Variants in CEP128 observed in about 807,000 individuals in gnomAD.
CEP128 encodes the protein centrosomal protein 128, also known as centrosomal protein 128kDa.
A neutral mutation model predicts 156.7 loss-of-function variants in CEP128; 132 were observed. The observed-to-expected ratio is 0.84, with a 90% CI of 0.73 to 0.97. CEP128 has a LOEUF of 0.97. Ranked by LOEUF, CEP128 falls within the 50% of genes least tolerant of loss-of-function variation. The probability of loss-of-function intolerance (pLI) is 0.00; values close to 1 mark genes in which losing one functional copy is unlikely to be tolerated. For synonymous variants in CEP128, 469 were observed against 448.9 expected (o/e 1.04, Z -0.57); for missense variants, 1,252 against 1,281.9 (o/e 0.98, Z 0.36).
chr14:80,707,360 C>T (rs1284400782), intron 19 of CEP128, among the ~76,000 whole-genome samples: 4 of 152,078 alleles, frequency 2.6e-5, no homozygotes, highest in Non-Finnish European at 5.9e-5. Context: ...CCCACTGGCC[C>T]GTGCTAGAGC....
intron 19 of CEP128, among the ~76,000 whole-genome samples, chr14:80,607,048 C>T (rs1360199564): frequency 2.6e-5 from 4 of 151,198 alleles, no homozygotes; most frequent in African/African-American, 9.7e-5. Flanking sequence ...CACACATATA[C>T]ATATATGTAC....
chr14:80,732,427 A>G (rs8006040), intron 19 of CEP128, among the ~76,000 whole-genome samples: 4,377 of 149,830 alleles, frequency 0.029, 85 homozygotes, highest in Non-Finnish European at 0.044. Flanking sequence ...CATGGGATCA[A>G]AGCTGTGTTA....
intron 7 of CEP128, among the ~76,000 whole-genome samples, chr14:80,898,183 G>A (rs1889436985): frequency 1.3e-5 from 2 of 152,124 alleles, no homozygotes; most frequent in South Asian, 4.1e-4. Context: ...ATTATTCAAT[G>A]TATGTTTTGT....
chr14:80,922,346 A>T (rs367852501), intron 2 of CEP128, among the ~76,000 whole-genome samples: 123 of 152,332 alleles, frequency 8.1e-4, no homozygotes, highest in African/African-American at 2.9e-3. Context: ...ACTATTTCAT[A>T]CTGAAGAGCA....
At chr14:80,702,972 TTATGTATG>T (rs567968548) in intron 19 of CEP128, among the ~76,000 whole-genome samples, 1 of 152,094 alleles carries the variant, frequency 6.6e-6, no homozygotes, top group Non-Finnish European at 1.5e-5. Context: ...TATAAAAAGA[TTATGTATG>T]TATGTATGTA....
chr14:80,945,186 A>G (rs887859600), upstream of CEP128, among the ~76,000 whole-genome samples: 7 of 152,160 alleles, frequency 4.6e-5, no homozygotes, highest in Non-Finnish European at 1.0e-4. Flanking sequence ...GCAGAGATCC[A>G]TCTTTTCTCT....
chr14:80,551,621 G>T (rs1030381517), intron 21 of CEP128, among the ~76,000 whole-genome samples: 1 of 152,190 alleles, frequency 6.6e-6, no homozygotes, highest in East Asian at 1.9e-4. Context: ...CTCTGCTAGA[G>T]TTTGTCACCT....
At chr14:80,677,684 T>C (rs1896120544) in intron 19 of CEP128, among the ~76,000 whole-genome samples, 1 of 151,822 alleles carries the variant, frequency 6.6e-6, no homozygotes, top group Non-Finnish European at 1.5e-5. Context: ...CTAGAGTTGG[T>C]GAAATGTATA....
chr14:80,576,502 T>C (rs778404551), intron 20 of CEP128, among the ~76,000 whole-genome samples: 6 of 152,186 alleles, frequency 3.9e-5, no homozygotes, highest in Non-Finnish European at 8.8e-5. Context: ...CTGTCAAATA[T>C]GTTTGTCTCC....
chr14:80,792,796 A>T lies in CEP128; in HGVS notation c.1524T>A (p.Ser508=). Reference sequence around the variant, plus strand: ...TGCCTGTCAGTTCATCAACAGTTTCAGATTGTTTCTCCAACGCTCGTTCTA... The same window carrying T: ...TGCCTGTCAGTTCATCAACAGTTTCTGATTGTTTCTCCAACGCTCGTTCTA... ...KKLERALEKQ[S]ETVDELTGKN... Residue 508 remains serine (S), a synonymous_variant, in exon 14 of 25, where the codon TCT becomes TCA. Coordinates refer to ENST00000555265, the MANE Select transcript of CEP128 (RefSeq NM_152446.5). 1 of 1,614,148 alleles carries T rather than the reference A, an allele frequency of 6.2e-7. No individual in the cohort carries two copies. The highest frequency in any genetic ancestry group is 8.5e-7 in the Non-Finnish European group (1 of 1,180,012).
chr14:80,733,571 C>A (rs920658681), intron 19 of CEP128, among the ~76,000 whole-genome samples: 4 of 151,834 alleles, frequency 2.6e-5, no homozygotes, highest in African/African-American at 9.7e-5. Flanking sequence ...TTTTTCAAAT[C>A]ATAAATATAA....
At chr14:80,747,842 A>G (rs1030845225) in intron 18 of CEP128, among the ~76,000 whole-genome samples, 1 of 152,164 alleles carries the variant, frequency 6.6e-6, no homozygotes, top group African/African-American at 2.4e-5. Flanking sequence ...AGGGACAGAA[A>G]GATTAGTGGC....
intron 19 of CEP128, among the ~76,000 whole-genome samples, chr14:80,616,994 G>C (rs968236518): frequency 3.3e-5 from 5 of 152,036 alleles, no homozygotes; most frequent in Non-Finnish European, 7.4e-5. Context: ...ACATCATATG[G>C]TCCCAGTGGA....
At chr14:80,657,417 C>CAAG (rs1234925686) in intron 19 of CEP128, among the ~76,000 whole-genome samples, 1 of 151,934 alleles carries the variant, frequency 6.6e-6, no homozygotes, top group Non-Finnish European at 1.5e-5. Context: ...TTTGGGAGGC[C>CAAG]AAGGTGGGCA....
chr14:80,759,907 GGTGTGT>G lies in CEP128; in HGVS notation c.2553+1524_2553+1529del, dbSNP rs3037144. Among the ~76,000 whole-genome samples, 323 of 150,340 alleles carry G rather than the reference GGTGTGT, an allele frequency of 2.1e-3. 2 individuals are homozygous for G. Among genetic ancestry groups the G allele is most frequent in the East Asian group, 0.012 (60 of 5,102 alleles). On this transcript the variant is annotated intron_variant, in intron 17 of 24. Coordinates refer to ENST00000555265, the MANE Select transcript of CEP128 (RefSeq NM_152446.5). The stretch of plus-strand genomic sequence containing the variant: ...GCACATATGTGAGTGCATATATATA[GGTGTGT>G]GTGTGTGTGTGTGTGTGTGTATACA...
intron 21 of CEP128, among the ~76,000 whole-genome samples, chr14:80,551,718 T>C (rs552834824): frequency 1.3e-5 from 2 of 152,332 alleles, no homozygotes; most frequent in East Asian, 3.9e-4. Flanking sequence ...TCTTTGATTA[T>C]AGTAGAGTAG....
intron 19 of CEP128, among the ~76,000 whole-genome samples, chr14:80,633,584 A>G (rs1459503826): frequency 6.6e-6 from 1 of 152,176 alleles, no homozygotes; most frequent in East Asian, 1.9e-4. Flanking sequence ...AAGATTTCTA[A>G]TCTTAACAAT....
intron 19 of CEP128, among the ~76,000 whole-genome samples, chr14:80,709,304 A>G (rs920102275): frequency 1.3e-5 from 2 of 151,846 alleles, no homozygotes; most frequent in Non-Finnish European, 2.9e-5. Flanking sequence ...ATGCCCAGCT[A>G]ATTTTGTATT....
chr14:80,497,690 T>A (rs761497089), intron 24 of CEP128, 108 bp from the exon 25 acceptor site: 7 of 693,500 alleles, frequency 1.0e-5, no homozygotes, highest in Non-Finnish European at 1.7e-5. Context: ...TTGATCGAGT[T>A]TTCTATAATT....
Sources: allele counts gnomAD v4.1 joint callset (sites outside exome capture counted in the v4.1 genomes callset), GRCh38; gene constraint gnomAD v4.1.1; transcripts MANE v1.5; gene names NCBI Gene and HGNC (gene_info 2026-07-23, HGNC 2026-07-21).